The following INPP5A variants were observed in gnomAD, a reference collection of about 807,000 sequenced individuals.
INPP5A encodes the protein 43 kDa inositol polyphosphate 5-phophatase.
Under a neutral mutation model 65.2 loss-of-function variants are expected in INPP5A, and 14 were observed. The ratio of observed to expected loss-of-function variants is 0.21; its 90% CI spans 0.14 to 0.34. INPP5A has a LOEUF of 0.34. Ranked by LOEUF, INPP5A falls within the 10% of genes least tolerant of loss-of-function variation. INPP5A has a pLI of 1.00. For missense variants in INPP5A, 431 were observed against 545.6 expected, an observed-to-expected ratio of 0.79 and a Z score of 2.09; for synonymous variants, 207 against 208.3, an observed-to-expected ratio of 0.99 and a Z score of 0.05.
At chr10:132,730,984 G>A (rs757040209) in intron 9 of INPP5A, among the ~76,000 whole-genome samples, 20 of 152,326 alleles carry the variant, frequency 1.3e-4, no homozygotes, top group African/African-American at 4.1e-4. Flanking sequence ...GGGCTACCAC[G>A]GGGGAGGAAC....
At chr10:132,626,521 C>T (rs541315732) in intron 2 of INPP5A, among the ~76,000 whole-genome samples, 16 of 152,328 alleles carry the variant, frequency 1.1e-4, no homozygotes, top group South Asian at 8.3e-4. Flanking sequence ...TCCCTGACAC[C>T]GCTAAGTGCC....
intron 12 of INPP5A, among the ~76,000 whole-genome samples, chr10:132,768,254 G>A (rs565832254): frequency 5.1e-5 from 7 of 137,592 alleles, no homozygotes; most frequent in Non-Finnish European, 7.7e-5. Flanking sequence ...GGGTGCCCAC[G>A]CGCCCAGTGG....
chr10:132,709,877 G>A (rs1845604680), intron 7 of INPP5A, among the ~76,000 whole-genome samples: 1 of 152,228 alleles, frequency 6.6e-6, no homozygotes, highest in African/African-American at 2.4e-5. Context: ...CCCACAGCCG[G>A]CCCACGGGGC....
intron 9 of INPP5A, among the ~76,000 whole-genome samples, chr10:132,748,259 A>T (rs1846407856): frequency 6.6e-6 from 1 of 152,182 alleles, no homozygotes; most frequent in Non-Finnish European, 1.5e-5. Context: ...TGTAAATGGA[A>T]TCTACAGTCT....
intron 12 of INPP5A, among the ~76,000 whole-genome samples, chr10:132,769,047 C>T (rs1317834874): frequency 6.6e-6 from 1 of 152,212 alleles, no homozygotes; most frequent in East Asian, 1.9e-4. Context: ...CCGGATACAG[C>T]CGCACCCGGG....
chr10:132,780,787 C>A, intron 13 of INPP5A, 62 bp from the exon 14 acceptor site: 1 of 1,336,120 alleles, frequency 7.5e-7, no homozygotes, highest in Non-Finnish European at 1.1e-6. Context: ...TGCCAGTCAG[C>A]TCCCAACTGG....
rs988770473 is a variant in INPP5A at position 132,705,358 on chromosome 10, G to A, written c.475-2955G>A. Reference sequence around the variant, plus strand: ...AGAGCTCCCTGGGTCGTCTGGGCATGGCCCCATGCAGCAGCCAGACCAGTA... The same window carrying A: ...AGAGCTCCCTGGGTCGTCTGGGCATAGCCCCATGCAGCAGCCAGACCAGTA... On this transcript the variant is annotated intron_variant, in intron 6 of 15. Coordinates refer to ENST00000368594, the MANE Select transcript of INPP5A (RefSeq NM_005539.5). The surrounding 1 kb of genome is among the most constrained non-coding windows in gnomAD (Gnocchi z 4.9). Among the ~76,000 whole-genome samples, 2 of 152,230 alleles carry A rather than the reference G, an allele frequency of 1.3e-5. No individual in the cohort carries two copies. The highest frequency in any genetic ancestry group is 2.4e-5 in the African/African-American group (1 of 41,464).
Position 132,707,299 on chromosome 10 carries a change from G to C in INPP5A, c.475-1014G>C, listed in dbSNP as rs940993984. Among the ~76,000 whole-genome samples, 2 of 152,126 alleles carry C rather than the reference G, an allele frequency of 1.3e-5. No individual in the cohort carries two copies. The highest frequency in any genetic ancestry group is 4.8e-5 in the African/African-American group (2 of 41,424). ...AGGCATATGGCTGCTGCTGGGAACGGAATGGGCGGTGCCCTGCCCTGTTGG... is the reference window on the plus strand; with the variant it reads ...AGGCATATGGCTGCTGCTGGGAACGCAATGGGCGGTGCCCTGCCCTGTTGG... On this transcript the variant is annotated intron_variant, in intron 6 of 15. Coordinates refer to ENST00000368594, the MANE Select transcript of INPP5A (RefSeq NM_005539.5). This position sits in a 1 kb window ranked among gnomAD's most constrained non-coding sequence, Gnocchi z 5.5.
intron 2 of INPP5A, among the ~76,000 whole-genome samples, chr10:132,642,164 C>G (rs1305219641): frequency 6.6e-6 from 1 of 151,694 alleles, no homozygotes; most frequent in Non-Finnish European, 1.5e-5. Flanking sequence ...CAGCCTGGAG[C>G]CCGTCTGCGG....
intron 2 of INPP5A, among the ~76,000 whole-genome samples, chr10:132,628,678 A>G (rs1045594257): frequency 2.0e-5 from 3 of 152,218 alleles, no homozygotes; most frequent in Non-Finnish European, 4.4e-5. Context: ...TATATTTTTA[A>G]AAACAACAAT....
intron 9 of INPP5A, among the ~76,000 whole-genome samples, chr10:132,732,104 G>C (rs1361159492): frequency 6.6e-6 from 1 of 152,244 alleles, no homozygotes; most frequent in Non-Finnish European, 1.5e-5. Flanking sequence ...CCTGGTCTCT[G>C]GGCTCTAGGA....
At chr10:132,759,165 C>T (rs1846685378) in intron 11 of INPP5A, among the ~76,000 whole-genome samples, 1 of 152,154 alleles carries the variant, frequency 6.6e-6, no homozygotes, top group African/African-American at 2.4e-5. Flanking sequence ...GAGGCCATGC[C>T]CGTCCACACG....
At chr10:132,585,690 G>A (rs1389338101) in intron 1 of INPP5A, among the ~76,000 whole-genome samples, 3 of 152,206 alleles carry the variant, frequency 2.0e-5, no homozygotes, top group Non-Finnish European at 4.4e-5. Flanking sequence ...AGGTCTCACG[G>A]AGCCTCAGAT....
rs78564499 is a variant in INPP5A, at chr10:132,782,899, C to T, written c.*870C>T. ...GAAGTTTATAGCTAGCCTGGGTGTA[C>T]CTTTTAAGAATTTTGTAAACCGTTT... On this transcript the variant is annotated 3_prime_UTR_variant, in exon 16 of 16. Transcript: ENST00000368594. This position sits in a 1 kb window ranked among gnomAD's most constrained non-coding sequence, Gnocchi z 4.4. The T allele has an allele frequency of 6.6e-6, 1 of 152,326 alleles. No homozygotes were observed. 9.4% of individuals were successfully genotyped at this position (152,326 alleles called of 1,614,324 possible). A position where few individuals can be genotyped will look rare whatever the true frequency, so the allele number is the denominator to read the frequency against.
At chr10:132,558,381 G>C (rs1188622905) in intron 1 of INPP5A, among the ~76,000 whole-genome samples, 1 of 152,228 alleles carries the variant, frequency 6.6e-6, no homozygotes, top group Non-Finnish European at 1.5e-5. Context: ...ATCCTCGCCT[G>C]ACATCCAGTC....
chr10:132,591,877 G>A (rs191427149), intron 1 of INPP5A, among the ~76,000 whole-genome samples: 9 of 152,308 alleles, frequency 5.9e-5, no homozygotes, highest in Non-Finnish European at 1.0e-4. Context: ...CGTAACGGGC[G>A]CCCTTGCTGT....
intron 12 of INPP5A, among the ~76,000 whole-genome samples, chr10:132,771,039 G>A (rs1646335647): frequency 6.6e-6 from 1 of 152,244 alleles, no homozygotes; most frequent in Non-Finnish European, 1.5e-5. Context: ...AGGCAGGCTC[G>A]TCCGCCCTTC....
At chr10:132,760,793 G>T (rs969120172) in intron 11 of INPP5A, among the ~76,000 whole-genome samples, 3 of 152,132 alleles carry the variant, frequency 2.0e-5, no homozygotes, top group Non-Finnish European at 4.4e-5. Flanking sequence ...CTTCCTGGGC[G>T]GTCCTTTGTC....
At chr10:132,737,293 G>T (rs1167298180) in intron 9 of INPP5A, among the ~76,000 whole-genome samples, 1 of 152,182 alleles carries the variant, frequency 6.6e-6, no homozygotes, top group East Asian at 1.9e-4. Flanking sequence ...CAGAAAGCCT[G>T]GCTCAGAGTG....
Sources: gnomAD v4.1 joint callset for allele counts (sites outside exome capture counted in the v4.1 genomes callset) on GRCh38, gnomAD v4.1.1 for gene constraint, Gnocchi (gnomAD v3.1) non-coding constraint, MANE v1.5 for transcripts, NCBI Gene and HGNC (gene_info 2026-07-23, HGNC 2026-07-21) for gene names.